The following LPCAT1 variants were observed in gnomAD, a reference collection of about 807,000 sequenced individuals.
LPCAT1 encodes the protein lysophosphatidylcholine acyltransferase 1.
Under a neutral mutation model 60.9 loss-of-function variants are expected in LPCAT1, and 23 were observed. That is an observed-to-expected ratio of 0.38 (90% CI 0.27 to 0.53). The LOEUF is 0.53. Ranked by LOEUF, LPCAT1 falls within the 20% of genes least tolerant of loss-of-function variation. The probability of loss-of-function intolerance (pLI) is 0.82; values close to 1 mark genes in which losing one functional copy is unlikely to be tolerated. For missense variants in LPCAT1, 622 were observed against 723.6 expected, an observed-to-expected ratio of 0.86 and a Z score of 1.61; for synonymous variants, 340 against 301.1, an observed-to-expected ratio of 1.13 and a Z score of -1.34.
chr5:1,521,750 G>T lies in LPCAT1; in HGVS notation c.135+1960C>A. 6.6e-6 allele frequency among the ~76,000 whole-genome samples: 1 copy of T among 152,146 alleles called. No homozygotes were observed. The highest frequency in any genetic ancestry group is 1.5e-5 in the Non-Finnish European group (1 of 68,014). On this transcript the variant is annotated intron_variant, in intron 1 of 13. Coordinates refer to ENST00000283415, the MANE Select transcript of LPCAT1 (RefSeq NM_024830.5). This position sits in a 1 kb window ranked among gnomAD's most constrained non-coding sequence, Gnocchi z 4.3. Reference sequence around the variant, plus strand: ...CCTGGCTTCGGCCCAAGGGAGAACAGCTGCCCAAAGCCTTCAATCTCGGGA... The same window carrying T: ...CCTGGCTTCGGCCCAAGGGAGAACATCTGCCCAAAGCCTTCAATCTCGGGA...
rs1736051557 is a variant in LPCAT1, at chr5:1,502,445, TTTCCA to T, written c.136-847_136-843del. Among the ~76,000 whole-genome samples the T allele has an allele frequency of 6.6e-6, 1 of 152,050 alleles. No homozygotes were observed. Among genetic ancestry groups the T allele is most frequent in the African/African-American group, 2.4e-5 (1 of 41,400 alleles). ...GAAGACGGCAGAATGAAGGTGTGAC[TTTCCA>T]GTCAATGGAAGACCCGGCGCAGGAG... On this transcript the variant is annotated intron_variant, in intron 1 of 13. Coordinates refer to ENST00000283415, the MANE Select transcript of LPCAT1 (RefSeq NM_024830.5). This position sits in a 1 kb window ranked among gnomAD's most constrained non-coding sequence, Gnocchi z 5.5.
At chr5:1,516,252 G>C (rs116826313) in intron 1 of LPCAT1, among the ~76,000 whole-genome samples, 1 of 152,246 alleles carries the variant, frequency 6.6e-6, no homozygotes, top group African/African-American at 2.4e-5. Flanking sequence ...GCCTGGCACA[G>C]GGACAGGACA....
intron 1 of LPCAT1, among the ~76,000 whole-genome samples, chr5:1,518,670 G>A (rs1358649312): frequency 6.6e-6 from 1 of 152,190 alleles, no homozygotes; most frequent in African/African-American, 2.4e-5. Context: ...CACCTGCTGC[G>A]GCCAGCACCG....
rs1455876545 is a variant in LPCAT1, at chr5:1,477,605, G to A, written c.817-119C>T. Reference sequence around the variant, plus strand: ...TGTCAAAGTAACGCCCATTAGAACCGTCTTCAAAGTTGTCATGTGCACGTG... The same window carrying A: ...TGTCAAAGTAACGCCCATTAGAACCATCTTCAAAGTTGTCATGTGCACGTG... On this transcript the variant is annotated intron_variant, in intron 8 of 13. Coordinates refer to ENST00000283415, the MANE Select transcript of LPCAT1 (RefSeq NM_024830.5). The surrounding 1 kb of genome is among the most constrained non-coding windows in gnomAD (Gnocchi z 6.0). The A allele has an allele frequency of 1.1e-5, 8 of 704,122 alleles. No homozygotes were observed. Among genetic ancestry groups the A allele is most frequent in the Middle Eastern group, 2.4e-4 (1 of 4,130 alleles). 43.6% of individuals were successfully genotyped at this position (704,122 alleles called of 1,614,324 possible). A position where few individuals can be genotyped will look rare whatever the true frequency, so the allele number is the denominator to read the frequency against.
At chr5:1,468,174 G>A (rs1441775559) in intron 12 of LPCAT1, among the ~76,000 whole-genome samples, 1 of 152,104 alleles carries the variant, frequency 6.6e-6, no homozygotes, top group African/African-American at 2.4e-5. Flanking sequence ...CCCATGGACC[G>A]GGTCTGCTCC....
In LPCAT1 at chr5:1,487,705, C is replaced by G. The variant is rs997132983; in HGVS notation, c.667+686G>C. On this transcript the variant is annotated intron_variant, in intron 5 of 13. Transcript: ENST00000283415. The surrounding 1 kb of genome is among the most constrained non-coding windows in gnomAD (Gnocchi z 6.1). Reference sequence around the variant, plus strand: ...AGGTCTGCATGCCCCAGTATGGACACAGTTGATGAAAGCCACTACTTTCTA... The same window carrying G: ...AGGTCTGCATGCCCCAGTATGGACAGAGTTGATGAAAGCCACTACTTTCTA... Among the ~76,000 whole-genome samples, 2 of 152,072 alleles carry G rather than the reference C, an allele frequency of 1.3e-5. No individual in the cohort carries two copies. The highest frequency in any genetic ancestry group is 4.8e-5 in the African/African-American group (2 of 41,388).
At chr5:1,490,157 C>A (rs994271568) in intron 3 of LPCAT1, among the ~76,000 whole-genome samples, 20 of 152,210 alleles carry the variant, frequency 1.3e-4, no homozygotes, top group African/African-American at 4.3e-4. Flanking sequence ...AGACAACCGC[C>A]AGGAAGCAGA....
chr5:1,472,732 C>T (rs937950316), intron 11 of LPCAT1, among the ~76,000 whole-genome samples: 1 of 152,110 alleles, frequency 6.6e-6, no homozygotes, highest in African/African-American at 2.4e-5. Flanking sequence ...GGCACGGACA[C>T]CAGGAGGGAC....
chr5:1,479,738 C>A, intron 7 of LPCAT1, 63 bp from the exon 8 acceptor site: 1 of 1,300,352 alleles, frequency 7.7e-7, no homozygotes. Flanking sequence ...TAAATTACTC[C>A]CAATTCTGGG....
At chr5:1,474,891 C>G (rs767406420) in intron 9 of LPCAT1, among the ~76,000 whole-genome samples, 19 of 152,216 alleles carry the variant, frequency 1.2e-4, no homozygotes, top group Non-Finnish European at 2.6e-4. Context: ...GGCAGCCACA[C>G]CAAAGGTCAC....
chr5:1,465,783 G>A (rs1210019446), intron 13 of LPCAT1, among the ~76,000 whole-genome samples: 1 of 141,796 alleles, frequency 7.1e-6, no homozygotes, highest in Non-Finnish European at 1.5e-5. Flanking sequence ...CGGTAAACAT[G>A]CACACTTTCA....
intron 3 of LPCAT1, among the ~76,000 whole-genome samples, chr5:1,493,887 G>C (rs535718513): frequency 6.6e-6 from 1 of 152,216 alleles, no homozygotes; most frequent in East Asian, 1.9e-4. Flanking sequence ...AGAGCATCCT[G>C]GATCACCCAA....
intron 2 of LPCAT1, among the ~76,000 whole-genome samples, chr5:1,498,885 G>A (rs535343890): frequency 6.6e-6 from 1 of 152,146 alleles, no homozygotes; most frequent in East Asian, 1.9e-4. Context: ...ACCTACTCCC[G>A]TGCATGCACA....
intron 2 of LPCAT1, among the ~76,000 whole-genome samples, chr5:1,498,020 G>C (rs558121021): frequency 6.6e-6 from 1 of 152,340 alleles, no homozygotes; most frequent in East Asian, 1.9e-4. Flanking sequence ...TGCCTTTTGC[G>C]AAACTGTGTC....
At position 1,522,308 on chromosome 5, in the gene LPCAT1, G is replaced by A. The variant is rs1484685131; in HGVS notation, c.135+1402C>T. ...AGAGGAGGAATGGTTGAGGGGCACA[G>A]AATGAGCGACCGTGTCCCAAGTCCT... On this transcript the variant is annotated intron_variant, in intron 1 of 13. Transcript: ENST00000283415. The surrounding 1 kb of genome is among the most constrained non-coding windows in gnomAD (Gnocchi z 6.8). Among the ~76,000 whole-genome samples, 1 of 152,184 alleles carries A rather than the reference G, an allele frequency of 6.6e-6. No individual in the cohort carries two copies. Among genetic ancestry groups the A allele is most frequent in the African/African-American group, 2.4e-5 (1 of 41,448 alleles).
At chr5:1,503,241 C>T (rs1333099934) in intron 1 of LPCAT1, among the ~76,000 whole-genome samples, 2 of 152,200 alleles carry the variant, frequency 1.3e-5, no homozygotes, top group Non-Finnish European at 2.9e-5. Context: ...ACTCGCTGCA[C>T]CAAGCAACCA....
intron 8 of LPCAT1, among the ~76,000 whole-genome samples, chr5:1,479,090 T>C (rs746207855): frequency 1.3e-5 from 2 of 152,230 alleles, no homozygotes; most frequent in Non-Finnish European, 2.9e-5. Flanking sequence ...TAATAATGAA[T>C]GGTAGGTTTA....
Position 1,476,979 on chromosome 5 carries a change from T to C in LPCAT1, c.899+425A>G, listed in dbSNP as rs1018152124. On this transcript the variant is annotated intron_variant, in intron 9 of 13. Transcript: ENST00000283415. The surrounding 1 kb of genome is among the most constrained non-coding windows in gnomAD (Gnocchi z 8.6). ...AGCAGCACAAGTCACCTTACAAGAT[T>C]AAATGTGCAACCACCACTCCACTCT... 3.9e-5 allele frequency among the ~76,000 whole-genome samples: 6 copies of C among 152,158 alleles called. No homozygotes were observed. The highest frequency in any genetic ancestry group is 1.2e-4 in the African/African-American group (5 of 41,428).
chr5:1,461,524 G>T lies in LPCAT1; in HGVS notation c.*2127C>A, dbSNP rs1002531778. On this transcript the variant is annotated 3_prime_UTR_variant, in exon 14 of 14. Coordinates refer to ENST00000283415, the MANE Select transcript of LPCAT1 (RefSeq NM_024830.5). Reference sequence around the variant, plus strand: ...TGCCCTCACACCCCAGCAGGTCCCCGCAGGCCAGGGCCCATGCCCCACCTG... The same window carrying T: ...TGCCCTCACACCCCAGCAGGTCCCCTCAGGCCAGGGCCCATGCCCCACCTG... 2 of 152,572 alleles carry T rather than the reference G, an allele frequency of 1.3e-5. No homozygotes were observed. The highest frequency in any genetic ancestry group is 2.9e-5 in the Non-Finnish European group (2 of 68,046). The allele number at this position is 152,572 out of a possible 1,614,324, so 9.5% of individuals were successfully genotyped here.
Sources: gnomAD v4.1 joint callset for allele counts (sites outside exome capture counted in the v4.1 genomes callset) on GRCh38, gnomAD v4.1.1 for gene constraint, Gnocchi (gnomAD v3.1) non-coding constraint, MANE v1.5 for transcripts, NCBI Gene and HGNC (gene_info 2026-07-23, HGNC 2026-07-21) for gene names.